The following PRKAG2 variants were observed in gnomAD, a reference collection of about 807,000 sequenced individuals.
PRKAG2 encodes protein kinase AMP-activated non-catalytic subunit gamma 2.
Under a neutral mutation model 69.6 loss-of-function variants are expected in PRKAG2, and 26 were observed. The observed-to-expected ratio is 0.37, with a 90% CI of 0.27 to 0.52. PRKAG2 has a LOEUF of 0.52. Among genes scored for constraint, PRKAG2 ranks in the 20% least tolerant of loss-of-function variants. The pLI, the probability that PRKAG2 is intolerant of heterozygous loss-of-function variation, is 0.90. For missense variants in PRKAG2, 557 were observed against 740.0 expected (o/e 0.75, Z 2.87); for synonymous variants, 293 against 285.0 (o/e 1.03, Z -0.28).
intron 8 of PRKAG2, among the ~76,000 whole-genome samples, chr7:151,573,170 T>TTC (rs1808040391): frequency 6.6e-6 from 1 of 151,602 alleles, no homozygotes; most frequent in Admixed American, 6.6e-5. Flanking sequence ...GTTTTTTTTT[T>TTC]TTTTTGAGAC....
At chr7:151,782,265 A>G (rs1401111310) in intron 2 of PRKAG2, among the ~76,000 whole-genome samples, 1 of 149,964 alleles carries the variant, frequency 6.7e-6, no homozygotes, top group Non-Finnish European at 1.5e-5. Context: ...CCTGGGCAAC[A>G]AAACGAGACT....
At chr7:151,572,581 G>C in intron 9 of PRKAG2, 83 bp downstream of exon 9, 3 of 996,786 alleles carry the variant, frequency 3.0e-6, no homozygotes, top group Non-Finnish European at 4.7e-6. Context: ...GAGAGAAAAG[G>C]ATCTGCAAAA....
chr7:151,559,782 T>C (rs886475034), intron 15 of PRKAG2: 2 of 985,208 alleles, frequency 2.0e-6, no homozygotes, highest in Admixed American at 1.2e-4. Flanking sequence ...ATCGGGTCCA[T>C]GTGGCCCTGA....
intron 3 of PRKAG2, among the ~76,000 whole-genome samples, chr7:151,704,516 A>T (rs1563478079): frequency 6.6e-6 from 1 of 152,160 alleles, no homozygotes; most frequent in African/African-American, 2.4e-5. Flanking sequence ...TGTGTTTACC[A>T]TTTCGACTGC....
At chr7:151,734,055 AT>A (rs1028371400) in intron 3 of PRKAG2, among the ~76,000 whole-genome samples, 41 of 151,898 alleles carry the variant, frequency 2.7e-4, no homozygotes, top group African/African-American at 9.9e-4. Context: ...ACTCTACTCG[AT>A]TAGACGCCGC....
Position 151,673,650 on chromosome 7 carries a change from T to G in PRKAG2, c.684+1770A>C, listed in dbSNP as rs187618196. Among the ~76,000 whole-genome samples the G allele has an allele frequency of 1.7e-3, 257 of 152,308 alleles. 2 individuals are homozygous for G. The highest frequency in any genetic ancestry group is 2.8e-3 in the Non-Finnish European group (192 of 68,028). On this transcript the variant is annotated intron_variant, in intron 4 of 15. Transcript: ENST00000287878. ...ATGAACAAGAATAGGAATAGTATGT[T>G]CTCAGCATGGCAACGCATCTTCTCC...
intron 5 of PRKAG2, among the ~76,000 whole-genome samples, chr7:151,597,288 A>C (rs551947490): frequency 6.6e-6 from 1 of 152,360 alleles, no homozygotes; most frequent in Non-Finnish European, 1.5e-5. Context: ...AATAGATTAG[A>C]GACTGAAAAT....
At chr7:151,584,799 T>C (rs1811262351) in intron 6 of PRKAG2, among the ~76,000 whole-genome samples, 1 of 152,118 alleles carries the variant, frequency 6.6e-6, no homozygotes. Context: ...TGGAAGGCTG[T>C]GGCAGGAGGA....
chr7:151,610,663 C>T (rs971964441), intron 5 of PRKAG2, among the ~76,000 whole-genome samples: 11 of 150,908 alleles, frequency 7.3e-5, no homozygotes, highest in Non-Finnish European at 1.0e-4. Context: ...GGGGACAGAG[C>T]GAGACTCCAT....
intron 5 of PRKAG2, among the ~76,000 whole-genome samples, chr7:151,599,363 C>G (rs1185366998): frequency 3.9e-5 from 6 of 152,060 alleles, no homozygotes; most frequent in Non-Finnish European, 7.4e-5. Flanking sequence ...CCATGGCCAC[C>G]CCCTACATAT....
At chr7:151,805,812 T>C (rs2078072595) in intron 1 of PRKAG2, among the ~76,000 whole-genome samples, 1 of 152,228 alleles carries the variant, frequency 6.6e-6, no homozygotes, top group Admixed American at 6.5e-5. Flanking sequence ...GATTCCACCT[T>C]ACCTTCAGGT....
At chr7:151,665,136 G>T (rs896099462) in intron 4 of PRKAG2, among the ~76,000 whole-genome samples, 5 of 152,076 alleles carry the variant, frequency 3.3e-5, no homozygotes, top group Non-Finnish European at 7.4e-5. Context: ...TGCTTCTACA[G>T]GATGCACCCC....
At chr7:151,868,233 G>A (rs1048654003) in intron 1 of PRKAG2, among the ~76,000 whole-genome samples, 15 of 152,248 alleles carry the variant, frequency 9.9e-5, no homozygotes, top group African/African-American at 2.9e-4. Context: ...GGTAGTGGAA[G>A]AAAGAGATGA....
At chr7:151,700,889 C>T (rs1837566938) in intron 3 of PRKAG2, among the ~76,000 whole-genome samples, 1 of 152,252 alleles carries the variant, frequency 6.6e-6, no homozygotes, top group South Asian at 2.1e-4. Flanking sequence ...AACATCCATG[C>T]AGAACCCATC....
chr7:151,735,937 G>A, intron 3 of PRKAG2: 2 of 1,536,376 alleles, frequency 1.3e-6, no homozygotes, highest in Non-Finnish European at 1.7e-6. Context: ...GCCTCTCCGT[G>A]CTTCGATTTT....
At chr7:151,694,386 C>T (rs1836236931) in intron 3 of PRKAG2, among the ~76,000 whole-genome samples, 1 of 152,222 alleles carries the variant, frequency 6.6e-6, no homozygotes, top group African/African-American at 2.4e-5. Flanking sequence ...CAGCCCCCAC[C>T]ACCACCATCT....
chr7:151,617,046 G>A (rs1246040750), intron 5 of PRKAG2, among the ~76,000 whole-genome samples: 1 of 151,894 alleles, frequency 6.6e-6, no homozygotes, highest in Admixed American at 6.6e-5. Flanking sequence ...GATCGCCTGA[G>A]GTCAAGAGTA....
rs2075400154 is a variant in PRKAG2, at chr7:151,761,317, G to A, written c.466+19835C>T. Among the ~76,000 whole-genome samples, 3 of 152,332 alleles carry A rather than the reference G, an allele frequency of 2.0e-5. No homozygotes were observed. In the East Asian group the frequency reaches 5.8e-4, roughly 29 times the overall value. On this transcript the variant is annotated intron_variant, in intron 3 of 15. Transcript: ENST00000287878. ...TGCTAAGATGTAGGTGTAGTTAAAT[G>A]ACAACCAGCCATTGTCCCGAGGTCA...
chr7:151,726,347 C>CT (rs1399662986), intron 3 of PRKAG2, among the ~76,000 whole-genome samples: 2 of 150,946 alleles, frequency 1.3e-5, no homozygotes, highest in Non-Finnish European at 2.9e-5. Context: ...ACAGCACCTG[C>CT]TTACAGAATC....
Sources: allele counts gnomAD v4.1 joint callset (sites outside exome capture counted in the v4.1 genomes callset), GRCh38; gene constraint gnomAD v4.1.1; transcripts MANE v1.5; gene names NCBI Gene and HGNC (gene_info 2026-07-23, HGNC 2026-07-21).